The following ELK1 variants were observed in gnomAD, a reference collection of about 807,000 sequenced individuals.
The protein encoded by ELK1 is ETS transcription factor ELK1.
For synonymous variants in ELK1, 163 were observed against 176.3 expected (o/e 0.92, Z 0.60); for missense variants, 254 against 381.5 (o/e 0.67, Z 2.78).
intron 2 of ELK1, 82 bp downstream of exon 2, chrX:47,649,839 G>A (rs1212389851): frequency 6.1e-5 from 6 of 99,172 alleles, no homozygotes; most frequent in African/African-American, 1.9e-4. Flanking sequence ...GTGGTGGGGG[G>A]GGGGGGTGGT....
At chrX:47,644,667 G>A (rs769257173) in intron 2 of ELK1, among the ~76,000 whole-genome samples, 1 of 111,016 alleles carries the variant, frequency 9.0e-6, no homozygotes, top group East Asian at 2.8e-4. Context: ...CCAGGTGGAA[G>A]CGGCAGCCGG....
At chrX:47,645,048 C>G (rs2058039412) in intron 2 of ELK1, among the ~76,000 whole-genome samples, 1 of 110,281 alleles carries the variant, frequency 9.1e-6, no homozygotes, top group African/African-American at 3.3e-5. Context: ...AGATAGCATG[C>G]CCGGGGGAGG....
intron 1 of ELK1, 105 bp downstream of exon 1, chrX:47,650,318 T>G: frequency 1.5e-5 from 3 of 198,664 alleles, no homozygotes; most frequent in Non-Finnish European, 2.8e-5. Flanking sequence ...CGGCGGGGAG[T>G]CGAACACCAG....
chrX:47,645,522 C>G (rs768248329), intron 2 of ELK1, among the ~76,000 whole-genome samples: 1 of 112,099 alleles, frequency 8.9e-6, no homozygotes, highest in Non-Finnish European at 1.9e-5. Context: ...GGGTAAGATC[C>G]TAGAGAGTGA....
At chrX:47,637,522 A>G (rs2058012737) in intron 5 of ELK1, among the ~76,000 whole-genome samples, 1 of 111,109 alleles carries the variant, frequency 9.0e-6, no homozygotes, top group South Asian at 3.8e-4. Flanking sequence ...ACCTAGAAAC[A>G]GTCCCACAGA....
Position 47,641,270 on chromosome X carries a change from C to T in ELK1, c.172G>A (p.Asp58Asn), listed in dbSNP as rs2058027756. 4 of 1,210,317 alleles carry T rather than the reference C, an allele frequency of 3.3e-6. No homozygotes were observed. The highest frequency in any genetic ancestry group is 2.2e-5 in the Admixed American group (1 of 45,826). The change falls in exon 3 of 7, where the codon GAC becomes AAC. Residue 58 changes from aspartate (D) to asparagine (N), a missense_variant. Transcript: ENST00000376983. Reference sequence around the variant, plus strand: ...TACCGCAAGGCCCGGCTGAGCTTGTCGTAATTCATGTTGGTCTTGTTCTTG... The same window carrying T: ...TACCGCAAGGCCCGGCTGAGCTTGTTGTAATTCATGTTGGTCTTGTTCTTG... ...LRKNKTNMNY[D>N]KLSRALRYYY... is the part of the protein sequence containing the mutation.
Position 47,641,415 on chromosome X carries a change from C to G in ELK1, c.27G>C (p.Gln9His). 3 of 1,211,533 alleles carry G rather than the reference C, an allele frequency of 2.5e-6. No homozygotes were observed. Among genetic ancestry groups the G allele is most frequent in the Non-Finnish European group, 3.4e-6 (3 of 895,289 alleles). The change falls in exon 3 of 7, where the codon CAG becomes CAC. Residue 9 changes from glutamine to histidine, a missense_variant. Physicochemically the swap from Gln to His is conservative, Grantham distance 24. Coordinates refer to ENST00000376983, the MANE Select transcript of ELK1 (RefSeq NM_001114123.3). The part of the protein sequence containing the change: MDPSVTLW[Q>H]FLLQLLREQG... ...GCTCTCTCAGCAGCTGCAGCAGAAA[C>G]TGCCACAGCGTCACAGATGGGTCCA...
At position 47,641,540 on chromosome X, in the gene ELK1, G is replaced by T. The variant is rs2058028772; in HGVS notation, c.-34-65C>A. 3.5e-6 allele frequency: 3 copies of T among 857,366 alleles called. No homozygotes were observed. In the East Asian group the frequency reaches 1.0e-4, roughly 29 times the overall value. 70.7% of individuals were successfully genotyped at this position (857,366 alleles called of 1,213,427 possible). A position where few individuals can be genotyped will look rare whatever the true frequency, so the allele number is the denominator to read the frequency against. On this transcript the variant is annotated intron_variant, in intron 2 of 6. Transcript: ENST00000376983. Reference sequence around the variant, plus strand: ...GGAGGGGCAGAGGTCAGCGGGAGGAGGATTCCTTTTTTTGTCATCTTTTCT... The same window carrying T: ...GGAGGGGCAGAGGTCAGCGGGAGGATGATTCCTTTTTTTGTCATCTTTTCT...
chrX:47,638,469 T>G (rs982783791), intron 4 of ELK1, among the ~76,000 whole-genome samples: 20 of 111,995 alleles, frequency 1.8e-4, no homozygotes, highest in African/African-American at 6.2e-4. Context: ...TCTCAAAAAT[T>G]TACCTTCCTC....
chrX:47,636,875 C>A lies in ELK1; in HGVS notation c.1241G>T (p.Gly414Val). Residue 414 changes from glycine (G) to valine (V), a missense_variant, in exon 7 of 7, where the codon GGC becomes GTC. Physicochemically the swap from Gly to Val is moderately radical, Grantham distance 109. Transcript: ENST00000376983. ...GGAGAGCACCACGGGGGTCGAGAGG[C>A]CATCCACGCTGATAGAAGGGATGTG... ...QVHIPSISVD[G>V]LSTPVVLSPG... 1 of 1,166,349 alleles carries A rather than the reference C, an allele frequency of 8.6e-7. No individual in the cohort carries two copies.
Position 47,638,078 on chromosome X carries a change from G to C in ELK1, c.759C>G (p.Pro253=). Residue 253 remains proline, a synonymous_variant, in exon 5 of 7, where the codon CCC becomes CCG. Transcript: ENST00000376983. ...CCCCCGCAACTTCCAACTCTTCCTT[G>C]GGCCCTTCTACTTTCACTTCTGGGG... ...ALPPEVKVEG[P]KEELEVAGER... is the part of the protein sequence containing the mutation. The C allele has an allele frequency of 8.3e-7, 1 of 1,211,224 alleles. No individual in the cohort carries two copies. Among genetic ancestry groups the C allele is most frequent in the East Asian group, 3.0e-5 (1 of 33,818 alleles).
intron 2 of ELK1, among the ~76,000 whole-genome samples, chrX:47,645,060 G>A (rs1022391229): frequency 3.6e-5 from 4 of 110,309 alleles, no homozygotes; most frequent in Non-Finnish European, 7.6e-5. Context: ...CGGGGGAGGT[G>A]AGAGAAGGGT....
At chrX:47,643,557 TA>T (rs1476514723) in intron 2 of ELK1, among the ~76,000 whole-genome samples, 1 of 111,844 alleles carries the variant, frequency 8.9e-6, no homozygotes, top group Non-Finnish European at 1.9e-5. Context: ...GCTGCAGAAA[TA>T]TGAACACAGC....
At chrX:47,648,228 G>A (rs2058049547) in intron 2 of ELK1, among the ~76,000 whole-genome samples, 3 of 109,295 alleles carry the variant, frequency 2.7e-5, no homozygotes, top group African/African-American at 6.7e-5. Context: ...TCAGCCTCCC[G>A]AGTAGCTGGG....
Position 47,646,642 on chromosome X carries a change from T to C in ELK1, c.-35+3279A>G, listed in dbSNP as rs138549431. 7.4e-3 allele frequency among the ~76,000 whole-genome samples: 837 copies of C among 112,750 alleles called. 12 individuals are homozygous for C. The highest frequency in any genetic ancestry group is 0.025 in the African/African-American group (786 of 31,037). On this transcript the variant is annotated intron_variant, in intron 2 of 6. Coordinates refer to ENST00000376983, the MANE Select transcript of ELK1 (RefSeq NM_001114123.3). ...AAATATCTTTGACACATGTATCTTT[T>C]TGTAGTGCATTCCAGGCACCACCGT...
Position 47,638,066 on chromosome X carries a change from C to T in ELK1, c.771G>A (p.Leu257=). The T allele has an allele frequency of 8.3e-7, 1 of 1,211,695 alleles. No individual in the cohort carries two copies. Residue 257 remains leucine (L), a synonymous_variant, in exon 5 of 7, where the codon TTG becomes TTA. Coordinates refer to ENST00000376983, the MANE Select transcript of ELK1 (RefSeq NM_001114123.3). ...EVKVEGPKEE[L]EVAGERGFVP... is the part of the protein sequence containing the mutation. ...CAAACCCTCTCTCCCCCGCAACTTCCAACTCTTCCTTGGGCCCTTCTACTT... is the reference window on the plus strand; with the variant it reads ...CAAACCCTCTCTCCCCCGCAACTTCTAACTCTTCCTTGGGCCCTTCTACTT...
chrX:47,640,013 A>T (rs2058023261), intron 3 of ELK1, among the ~76,000 whole-genome samples: 1 of 112,523 alleles, frequency 8.9e-6, no homozygotes, highest in Non-Finnish European at 1.9e-5. Flanking sequence ...AGGCCTCATT[A>T]TTAATACCAC....
At chrX:47,638,252 C>T in intron 4 of ELK1, 70 bp from the exon 5 acceptor site, 1 of 1,141,492 alleles carries the variant, frequency 8.8e-7, no homozygotes, top group Non-Finnish European at 1.2e-6. Flanking sequence ...CTGTGGGCCA[C>T]CCAGTGATTT....
At position 47,638,971 on chromosome X, in the gene ELK1, G is replaced by T; in HGVS notation, c.578C>A (p.Pro193His). The T allele has an allele frequency of 8.3e-7, 1 of 1,201,075 alleles. No individual in the cohort carries two copies. The highest frequency in any genetic ancestry group is 1.1e-6 in the Non-Finnish European group (1 of 890,109). ...TGGACTGGTGCTCCTGCTCCCCGAG[G>T]GGGGCGCTGCTGCCCCTGCAGGAGC... is the stretch of plus-strand genomic sequence containing the variant. ...SAAPAGAAAP[P>H]SGSRSTSPSP... Residue 193 changes from proline to histidine, a missense_variant, in exon 4 of 7, where the codon CCC (proline) becomes CAC (histidine). By Grantham distance (77) the Pro-to-His change is moderately conservative. Coordinates refer to ENST00000376983, the MANE Select transcript of ELK1 (RefSeq NM_001114123.3).
Sources: allele counts gnomAD v4.1 joint callset (sites outside exome capture counted in the v4.1 genomes callset), GRCh38; gene constraint gnomAD v4.1.1; transcripts MANE v1.5; gene names NCBI Gene and HGNC (gene_info 2026-07-23, HGNC 2026-07-21).